The following RASSF5 variants were observed in gnomAD, a reference collection of about 807,000 sequenced individuals.
RASSF5 encodes the protein ras association domain-containing protein 5.
A neutral mutation model predicts 40.5 loss-of-function variants in RASSF5; 25 were observed. The ratio of observed to expected loss-of-function variants is 0.62; its 90% CI spans 0.45 to 0.86. The LOEUF (loss-of-function observed/expected upper bound fraction) is 0.86. RASSF5 is among the 40% of genes least tolerant of loss of function. The probability of loss-of-function intolerance (pLI) is 0.00; values close to 1 mark genes in which losing one functional copy is unlikely to be tolerated. For synonymous variants in RASSF5, 246 were observed against 252.4 expected (o/e 0.97, Z 0.24); for missense variants, 521 against 572.8 (o/e 0.91, Z 0.92).
chr1:206,532,844 A>T (rs1329898289), intron 1 of RASSF5, among the ~76,000 whole-genome samples: 1 of 152,166 alleles, frequency 6.6e-6, no homozygotes, highest in East Asian at 1.9e-4. Context: ...TCTTGCATGC[A>T]ACTCGGGTGA....
intron 1 of RASSF5, among the ~76,000 whole-genome samples, chr1:206,522,460 G>A (rs1343559693): frequency 1.3e-5 from 2 of 152,192 alleles, no homozygotes; most frequent in Non-Finnish European, 2.9e-5. Context: ...AGCGTTTTCT[G>A]ATGTGGTGTC....
At chr1:206,572,894 G>A (rs1473010702) in intron 2 of RASSF5, among the ~76,000 whole-genome samples, 1 of 152,160 alleles carries the variant, frequency 6.6e-6, no homozygotes, top group African/African-American at 2.4e-5. Context: ...TGTGGCCTTG[G>A]CTGAAGGGCC....
At chr1:206,517,595 C>T (rs1299613034) in intron 1 of RASSF5, among the ~76,000 whole-genome samples, 1 of 152,224 alleles carries the variant, frequency 6.6e-6, no homozygotes, top group Admixed American at 6.5e-5. Flanking sequence ...AGTGGCTTTT[C>T]TGGAAGGCTC....
In RASSF5 at chr1:206,584,757, G is replaced by A. The variant is rs782637226; in HGVS notation, c.988+73G>A. The A allele has an allele frequency of 7.2e-6, 11 of 1,533,222 alleles. No individual in the cohort carries two copies. In the Admixed American group the frequency reaches 2.0e-4, roughly 28 times the overall value. 95.0% of individuals were successfully genotyped at this position (1,533,222 alleles called of 1,614,324 possible). ...TCCAAGCCCACCCACTAAAACTCCT[G>A]CCGGCCTTGGGTGGGAGCTGTGGGC... On this transcript the variant is annotated intron_variant, in intron 4 of 5. Coordinates refer to ENST00000579436, the MANE Select transcript of RASSF5 (RefSeq NM_182663.4). This position sits in a 1 kb window ranked among gnomAD's most constrained non-coding sequence, Gnocchi z 4.9.
At chr1:206,521,316 CA>C (rs34810678) in intron 1 of RASSF5, among the ~76,000 whole-genome samples, 1 of 152,112 alleles carries the variant, frequency 6.6e-6, no homozygotes, top group Non-Finnish European at 1.5e-5. Flanking sequence ...CTTCCCACTG[CA>C]AAAAAGCCTG....
intron 2 of RASSF5, among the ~76,000 whole-genome samples, chr1:206,546,089 A>AAT (rs1667680341): frequency 2.1e-5 from 1 of 48,248 alleles, no homozygotes; most frequent in African/African-American, 8.1e-5. Flanking sequence ...TTCTTTTTCT[A>AAT]TTTTTTTTTT....
At chr1:206,559,744 G>C (rs970935571) in intron 2 of RASSF5, among the ~76,000 whole-genome samples, 1 of 152,142 alleles carries the variant, frequency 6.6e-6, no homozygotes, top group Non-Finnish European at 1.5e-5. Context: ...TGGTGGGCAC[G>C]GCCCCTCTTA....
At position 206,507,613 on chromosome 1, in the gene RASSF5, C is replaced by G; in HGVS notation, c.11C>G (p.Ala4Gly). The G allele has an allele frequency of 6.6e-7, 1 of 1,516,748 alleles. No individual in the cohort carries two copies. 94.0% of individuals were successfully genotyped at this position (1,516,748 alleles called of 1,614,324 possible). The change falls in exon 1 of 6, where the codon GCG becomes GGG. Residue 4 changes from alanine (A) to glycine (G), a missense_variant. By Grantham distance (60) the Ala-to-Gly change is moderately conservative (BLOSUM62 0). Around this residue, in one of 2 missense-constraint regions of RASSF5, gnomAD observed 237 missense variants for 212.0 expected, o/e 1.12. Coordinates refer to ENST00000579436, the MANE Select transcript of RASSF5 (RefSeq NM_182663.4). MAM[A>G]SPAIGQRPYP... ...CGCCACTAGCCGGGCATGGCCATGG[C>G]GTCCCCGGCCATCGGGCAGCGCCCG... is the stretch of plus-strand genomic sequence containing the variant.
chr1:206,519,177 G>T lies in RASSF5; in HGVS notation c.457+11118G>T, dbSNP rs534697507. ...CTGGACGGCATAGCGGTGAGTGAAA[G>T]ATAAGAGGCAGAGACAACAGCAATC... is the stretch of plus-strand genomic sequence containing the variant. On this transcript the variant is annotated intron_variant, in intron 1 of 5. Transcript: ENST00000579436. Among the ~76,000 whole-genome samples the T allele has an allele frequency of 2.0e-5, 3 of 152,288 alleles. 1 individual carries two copies. The South Asian group carries it at 6.2e-4, about 32-fold the overall frequency.
At chr1:206,569,361 T>G (rs781872306) in intron 2 of RASSF5, among the ~76,000 whole-genome samples, 1 of 152,180 alleles carries the variant, frequency 6.6e-6, no homozygotes, top group Non-Finnish European at 1.5e-5. Context: ...AGAGGAGGCT[T>G]GGCTAGCCAA....
intron 1 of RASSF5, among the ~76,000 whole-genome samples, chr1:206,510,510 T>C (rs1553394508): frequency 6.6e-6 from 1 of 152,226 alleles, no homozygotes; most frequent in Non-Finnish European, 1.5e-5. Context: ...GATATGATTG[T>C]TATTGTCCCC....
intron 5 of RASSF5, chr1:206,586,220 G>A (rs1328006175): frequency 1.3e-5 from 2 of 153,206 alleles, no homozygotes; most frequent in Non-Finnish European, 2.9e-5. Context: ...CTCAATTGTT[G>A]GCCGCACAGG....
chr1:206,589,123 C>T lies in RASSF5; in HGVS notation c.*2145C>T, dbSNP rs11539428. ...TGAAAAAAGTATAGTATCGAGTACC[C>T]GTTCCCTCCCAGAGGTGGGAGTAAC... On this transcript the variant is annotated 3_prime_UTR_variant, in exon 6 of 6. Transcript: ENST00000579436. 6,949 of 152,754 alleles carry T rather than the reference C, an allele frequency of 0.045. 444 individuals are homozygous for T. The highest frequency in any genetic ancestry group is 0.14 in the African/African-American group (5,931 of 41,480). The allele number at this position is 152,754 out of a possible 1,614,324, so 9.5% of individuals were successfully genotyped here. A position where few individuals can be genotyped will look rare whatever the true frequency, so the allele number is the denominator to read the frequency against.
chr1:206,583,792 C>T (rs145311516), intron 3 of RASSF5: 187 of 193,854 alleles, frequency 9.6e-4, no homozygotes, highest in African/African-American at 4.1e-3. Flanking sequence ...GGGCACCCAA[C>T]TTAGCACCCA....
chr1:206,576,705 G>C (rs1553405260), intron 2 of RASSF5, among the ~76,000 whole-genome samples: 4 of 152,222 alleles, frequency 2.6e-5, no homozygotes, highest in Non-Finnish European at 5.9e-5. Context: ...AAACTACATA[G>C]AGAAGGTGGA....
chr1:206,533,739 AG>A (rs1553398250), intron 1 of RASSF5, among the ~76,000 whole-genome samples: 1 of 151,994 alleles, frequency 6.6e-6, no homozygotes, highest in African/African-American at 2.4e-5. Context: ...TGGGTGAGAG[AG>A]TGAGACCCTG....
intron 2 of RASSF5, among the ~76,000 whole-genome samples, chr1:206,539,383 T>C (rs1480454975): frequency 6.6e-6 from 1 of 152,142 alleles, no homozygotes; most frequent in African/African-American, 2.4e-5. Context: ...GATGGGAGAC[T>C]CACGAGCAGC....
intron 2 of RASSF5, among the ~76,000 whole-genome samples, chr1:206,565,847 A>T (rs970402497): frequency 9.2e-5 from 14 of 152,170 alleles, no homozygotes; most frequent in African/African-American, 2.9e-4. Context: ...AGGAGGATGG[A>T]GGGGGATTTA....
At position 206,507,928 on chromosome 1, in the gene RASSF5, AGC is replaced by A; in HGVS notation, c.327_328del (p.Gln109HisfsTer29). ...CGCGACGTGCGGAGCATCTTCGAGC[AGC>A]CGCAGGATCCCAGAGTCCCGGCGGA... On this transcript the variant is annotated frameshift_variant, in exon 1 of 6. Coordinates refer to ENST00000579436, the MANE Select transcript of RASSF5 (RefSeq NM_182663.4). LOFTEE classifies it high-confidence loss of function. 2 of 1,519,742 alleles carry A rather than the reference AGC, an allele frequency of 1.3e-6. No homozygotes were observed. The highest frequency in any genetic ancestry group is 1.8e-6 in the Non-Finnish European group (2 of 1,141,648). The allele number at this position is 1,519,742 out of a possible 1,614,324, so 94.1% of individuals were successfully genotyped here. A position where few individuals can be genotyped will look rare whatever the true frequency, so the allele number is the denominator to read the frequency against.
Sources: gnomAD v4.1 joint callset for allele counts (sites outside exome capture counted in the v4.1 genomes callset) on GRCh38, gnomAD v4.1.1 for gene constraint, gnomAD v4.1.1 regional missense constraint, Gnocchi (gnomAD v3.1) non-coding constraint, MANE v1.5 for transcripts, NCBI Gene and HGNC (gene_info 2026-07-23, HGNC 2026-07-21) for gene names.